The following MCTP2 variants were observed in gnomAD, a reference collection of about 807,000 sequenced individuals.
MCTP2 encodes multiple C2 and transmembrane domain-containing protein 2.
Under a neutral mutation model 111.6 loss-of-function variants are expected in MCTP2, and 132 were observed. That is an observed-to-expected ratio of 1.18 (90% CI 1.03 to 1.37). The LOEUF is 1.37. Ranked by LOEUF, MCTP2 falls within the 40% of genes most tolerant of loss-of-function variation. MCTP2 has a pLI of 0.00. For missense variants in MCTP2, 1,183 were observed against 1,067.9 expected (o/e 1.11, Z -1.50); for synonymous variants, 395 against 387.7 (o/e 1.02, Z -0.22).
At chr15:94,384,250 C>A (rs921229681) in intron 13 of MCTP2, 126 bp downstream of exon 13, 1 of 589,076 alleles carries the variant, frequency 1.7e-6, no homozygotes, top group Non-Finnish European at 2.8e-6. Context: ...CTTTTGAAAA[C>A]CTTGTATCCT....
chr15:94,406,995 G>T (rs536276778), intron 17 of MCTP2, among the ~76,000 whole-genome samples: 3 of 151,794 alleles, frequency 2.0e-5, no homozygotes, highest in Non-Finnish European at 2.9e-5. Context: ...GTCTAGTGGG[G>T]ATCTCTATTT....
chr15:94,241,739 TC>T (rs2070975861), intron 1 of MCTP2, among the ~76,000 whole-genome samples: 1 of 152,020 alleles, frequency 6.6e-6, no homozygotes, highest in South Asian at 2.1e-4. Context: ...TCACTTTTTA[TC>T]CTGTGCCTCT....
At chr15:94,376,352 C>T (rs1311047320) in intron 12 of MCTP2, among the ~76,000 whole-genome samples, 1 of 152,076 alleles carries the variant, frequency 6.6e-6, no homozygotes, top group Non-Finnish European at 1.5e-5. Context: ...AAATTAGTGC[C>T]CATGTTTTTG....
intron 17 of MCTP2, among the ~76,000 whole-genome samples, chr15:94,415,786 C>T (rs2082347421): frequency 6.6e-6 from 1 of 152,126 alleles, no homozygotes; most frequent in Non-Finnish European, 1.5e-5. Context: ...GAAAAAAGAT[C>T]TCCTCTCTGC....
chr15:94,406,738 T>G (rs1241117006), intron 17 of MCTP2, among the ~76,000 whole-genome samples: 1 of 152,150 alleles, frequency 6.6e-6, no homozygotes, highest in Admixed American at 6.5e-5. Context: ...GTCTGACTTG[T>G]TTTTCCCCAC....
intron 17 of MCTP2, among the ~76,000 whole-genome samples, chr15:94,433,393 A>G (rs2083294749): frequency 6.6e-6 from 1 of 152,178 alleles, no homozygotes; most frequent in Non-Finnish European, 1.5e-5. Flanking sequence ...TTGGGAAGAC[A>G]TGCATGGTAG....
At chr15:94,365,940 A>G (rs1206786474) in intron 10 of MCTP2, among the ~76,000 whole-genome samples, 2 of 152,188 alleles carry the variant, frequency 1.3e-5, no homozygotes, top group Admixed American at 1.3e-4. Context: ...GCTTTACTAA[A>G]TGAAAGTGTA....
At chr15:94,340,154 G>T in intron 5 of MCTP2, 45 bp from the exon 6 acceptor site, 1 of 1,324,464 alleles carries the variant, frequency 7.6e-7, no homozygotes, top group Non-Finnish European at 1.1e-6. Flanking sequence ...AAACTCAGTT[G>T]GTTTACCATA....
At chr15:94,369,586 A>C (rs777343745) in intron 11 of MCTP2, among the ~76,000 whole-genome samples, 2 of 151,922 alleles carry the variant, frequency 1.3e-5, no homozygotes, top group Non-Finnish European at 2.9e-5. Flanking sequence ...GAGCTAGCTA[A>C]AACAGACCAG....
At chr15:94,444,841 C>A (rs1025114580) in intron 19 of MCTP2, among the ~76,000 whole-genome samples, 18 of 152,076 alleles carry the variant, frequency 1.2e-4, no homozygotes, top group African/African-American at 4.3e-4. Context: ...TTTGGCCAAG[C>A]CTGTTTAAAT....
intron 1 of MCTP2, among the ~76,000 whole-genome samples, chr15:94,245,377 T>G (rs1433678310): frequency 1.5e-5 from 2 of 129,558 alleles, no homozygotes; most frequent in African/African-American, 2.9e-5. Flanking sequence ...TACATACATA[T>G]GTATATGTAT....
intron 1 of MCTP2, among the ~76,000 whole-genome samples, chr15:94,294,768 C>T (rs192250074): frequency 1.6e-3 from 244 of 152,218 alleles, no homozygotes; most frequent in Non-Finnish European, 2.1e-3. Context: ...GGAATGTAAG[C>T]CTCTCCCCTA....
chr15:94,330,631 C>T (rs556921781), intron 4 of MCTP2, among the ~76,000 whole-genome samples: 3 of 152,110 alleles, frequency 2.0e-5, no homozygotes, highest in African/African-American at 7.2e-5. Context: ...ATGGGGCCCT[C>T]GTTTTTTGGT....
chr15:94,246,192 G>A (rs892860248), intron 1 of MCTP2, among the ~76,000 whole-genome samples: 8 of 152,066 alleles, frequency 5.3e-5, no homozygotes, highest in South Asian at 2.1e-4. Context: ...CACTGAAACC[G>A]TCACCTACAG....
At chr15:94,292,992 A>G (rs1230955197) in intron 1 of MCTP2, 1 of 152,180 alleles carries the variant, frequency 6.6e-6, no homozygotes, top group African/African-American at 2.4e-5. Context: ...TTTTAAAACA[A>G]TGACATTGGA....
intron 21 of MCTP2, 31 bp from the exon 22 acceptor site, chr15:94,476,657 CAGACAGAT>C (rs2074388465): frequency 5.9e-6 from 6 of 1,010,080 alleles, no homozygotes; most frequent in African/African-American, 3.2e-5. Context: ...GATAGACAGA[CAGACAGAT>C]AAAGAGATCT....
rs115929504 is a variant in MCTP2 at position 94,286,392 on chromosome 15, C to T, written c.-65-11809C>T. Among the ~76,000 whole-genome samples the T allele has an allele frequency of 4.9e-3, 739 of 151,606 alleles. 4 individuals carry two copies. Among genetic ancestry groups the T allele is most frequent in the African/African-American group, 0.017 (687 of 41,258 alleles). On this transcript the variant is annotated intron_variant, in intron 1 of 22. Coordinates refer to ENST00000357742, the MANE Select transcript of MCTP2 (RefSeq NM_001385001.1). ...TTAAAATGACGTGATATGAAATTTCCTTTCGACTGGTAAGAAAAACAAATC... is the reference window on the plus strand; with the variant it reads ...TTAAAATGACGTGATATGAAATTTCTTTTCGACTGGTAAGAAAAACAAATC...
At chr15:94,314,200 A>G (rs1268214953) in intron 2 of MCTP2, 82 bp from the exon 3 acceptor site, 1 of 950,696 alleles carries the variant, frequency 1.1e-6, no homozygotes. Context: ...TTTCCAAAGG[A>G]AAAGACCTGA....
chr15:94,293,554 C>T (rs1008800299), intron 1 of MCTP2, among the ~76,000 whole-genome samples: 5 of 152,218 alleles, frequency 3.3e-5, no homozygotes, highest in East Asian at 1.9e-4. Flanking sequence ...CCCAGAGGGC[C>T]GGCCTTACTC....
Sources: allele counts gnomAD v4.1 joint callset (sites outside exome capture counted in the v4.1 genomes callset), GRCh38; gene constraint gnomAD v4.1.1; transcripts MANE v1.5; gene names NCBI Gene and HGNC (gene_info 2026-07-23, HGNC 2026-07-21).